ASXL3: variants seen among roughly 807,000 people sequenced by gnomAD.
ASXL3 encodes ASXL transcriptional regulator 3.
ASXL3 carries 34 observed loss-of-function variants against 170.6 expected under a neutral mutation model. The ratio of observed to expected loss-of-function variants is 0.20; its 90% CI spans 0.15 to 0.27. ASXL3 has a LOEUF of 0.27. Among genes scored for constraint, ASXL3 ranks in the 10% least tolerant of loss-of-function variants. The pLI, the probability that ASXL3 is intolerant of heterozygous loss-of-function variation, is 1.00. For synonymous variants in ASXL3, 1,002 were observed against 989.1 expected, an observed-to-expected ratio of 1.01 and a Z score of -0.24; for missense variants, 2,592 against 2,695.3, an observed-to-expected ratio of 0.96 and a Z score of 0.85.
rs2067852400 is a variant in ASXL3, at chr18:33,749,576, T to C, written c.*2981T>C. 1 of 152,138 alleles carries C rather than the reference T, an allele frequency of 6.6e-6. No individual in the cohort carries two copies. The highest frequency in any genetic ancestry group is 1.5e-5 in the Non-Finnish European group (1 of 68,034). The allele number at this position is 152,138 out of a possible 1,614,324, so 9.4% of individuals were successfully genotyped here. A position where few individuals can be genotyped will look rare whatever the true frequency, so the allele number is the denominator to read the frequency against. ...CTGAGGTGTATAAAGACATTTAGGT[T>C]AGTTAATGGGCATGTTAATAAGAGC... On this transcript the variant is annotated 3_prime_UTR_variant, in exon 12 of 12. Coordinates refer to ENST00000269197, the MANE Select transcript of ASXL3 (RefSeq NM_030632.3).
At chr18:33,584,139 A>C (rs1045893793) in intron 1 of ASXL3, among the ~76,000 whole-genome samples, 8 of 152,132 alleles carry the variant, frequency 5.3e-5, no homozygotes, top group African/African-American at 1.9e-4. Flanking sequence ...AATATGAGTA[A>C]GTTTAAGCAG....
At chr18:33,698,090 C>T (rs1418484759) in intron 8 of ASXL3, among the ~76,000 whole-genome samples, 1 of 152,060 alleles carries the variant, frequency 6.6e-6, no homozygotes, top group Admixed American at 6.6e-5. Context: ...GGAACTTGAA[C>T]TCCAAGCTGA....
At chr18:33,590,116 T>TTTTTTTGTTTTTTTG (rs1568265368) in intron 1 of ASXL3, among the ~76,000 whole-genome samples, 1 of 147,150 alleles carries the variant, frequency 6.8e-6, no homozygotes, top group African/African-American at 2.6e-5. Flanking sequence ...TCTATGTTTT[T>TTTTTTTGTTTTTTTG]TTTTTTTTTT....
intron 8 of ASXL3, among the ~76,000 whole-genome samples, chr18:33,729,228 A>G (rs1175272384): frequency 6.6e-6 from 1 of 152,204 alleles, no homozygotes; most frequent in African/African-American, 2.4e-5. Flanking sequence ...TCGCTCATTT[A>G]TTGGAGAAAA....
intron 5 of ASXL3, 66 bp from the exon 6 acceptor site, chr18:33,670,603 CACTT>C: frequency 8.7e-7 from 1 of 1,144,676 alleles, no homozygotes; most frequent in Non-Finnish European, 1.2e-6. Flanking sequence ...ACAAATGAGT[CACTT>C]AATTCAATTA....
chr18:33,690,653 G>C (rs2066672673), intron 8 of ASXL3, among the ~76,000 whole-genome samples: 1 of 152,092 alleles, frequency 6.6e-6, no homozygotes, highest in South Asian at 2.1e-4. Flanking sequence ...CTAGTTTTCT[G>C]TCTTTCCATA....
In ASXL3 at chr18:33,578,406, C is replaced by CCGT. The variant is rs1490646022; in HGVS notation, c.-223_-221dup. On this transcript the variant is annotated 5_prime_UTR_variant, in exon 1 of 12. Coordinates refer to ENST00000269197, the MANE Select transcript of ASXL3 (RefSeq NM_030632.3). ...CGCCCGCCGCGCGCCGCCGCCGCCG[C>CCGT]CGTCGCGCGCCCCCACCCACTCCAC... The CCGT allele has an allele frequency of 1.9e-3, 207 of 107,272 alleles. No homozygotes were observed. Among genetic ancestry groups the CCGT allele is most frequent in the Non-Finnish European group, 2.6e-3 (130 of 50,656 alleles). The allele number at this position is 107,272 out of a possible 1,614,324, so 6.6% of individuals were successfully genotyped here.
At chr18:33,736,333 T>C (rs925993987) in intron 10 of ASXL3, among the ~76,000 whole-genome samples, 1 of 151,732 alleles carries the variant, frequency 6.6e-6, no homozygotes, top group African/African-American at 2.4e-5. Flanking sequence ...CAAAGCATGC[T>C]TCTACTTAGC....
rs73955196 is a variant in ASXL3 at position 33,734,000 on chromosome 18, C to T, written c.977-310C>T. Among the ~76,000 whole-genome samples the T allele has an allele frequency of 0.053, 8,004 of 151,734 alleles. 325 individuals carry two copies. The highest frequency in any genetic ancestry group is 0.11 in the African/African-American group (4,593 of 41,354). ...GATTTCCTTAAGGACAGTGAATATA[C>T]GCTCTTTTATTTGTAGCCCCTAGCA... On this transcript the variant is annotated intron_variant, in intron 9 of 11. Transcript: ENST00000269197.
chr18:33,740,906 T>C (rs960946108), intron 11 of ASXL3, among the ~76,000 whole-genome samples: 2 of 152,240 alleles, frequency 1.3e-5, no homozygotes, highest in African/African-American at 4.8e-5. Context: ...TATACTGTTG[T>C]ACAGTAAAGT....
Position 33,578,695 on chromosome 18 carries a change from G to C in ASXL3, c.54+10G>C. 1 of 1,273,750 alleles carries C rather than the reference G, an allele frequency of 7.9e-7. No individual in the cohort carries two copies. The highest frequency in any genetic ancestry group is 1.0e-6 in the Non-Finnish European group (1 of 989,228). The allele number at this position is 1,273,750 out of a possible 1,614,324, so 78.9% of individuals were successfully genotyped here. The stretch of plus-strand genomic sequence containing the variant: ...CGAGGCTGCCCGCCTGGTACGTACC[G>C]CCCCCCACACGCCGCCCGCGCCTCC... On this transcript the variant is annotated intron_variant, in intron 1 of 11. Transcript: ENST00000269197.
intron 8 of ASXL3, among the ~76,000 whole-genome samples, chr18:33,698,431 G>A (rs893078373): frequency 2.0e-5 from 3 of 152,118 alleles, no homozygotes; most frequent in African/African-American, 4.8e-5. Flanking sequence ...CATTTTGGAC[G>A]TGTTGGATCT....
At position 33,740,578 on chromosome 18, in the gene ASXL3, A is replaced by G. The variant is rs145780632; in HGVS notation, c.3039+135A>G. On this transcript the variant is annotated intron_variant, in intron 11 of 11. Coordinates refer to ENST00000269197, the MANE Select transcript of ASXL3 (RefSeq NM_030632.3). ...GTTTATAATCTAATCCTCTAATAGT[A>G]AATGATCCTCTTTATGACTATGTAC... 543 of 873,432 alleles carry G rather than the reference A, an allele frequency of 6.2e-4. 3 individuals carry two copies. In the African/African-American group the frequency reaches 8.1e-3, roughly 13 times the overall value. The allele number at this position is 873,432 out of a possible 1,614,324, so 54.1% of individuals were successfully genotyped here.
chr18:33,734,687 TTTC>T (rs1249024808), intron 10 of ASXL3, among the ~76,000 whole-genome samples: 1 of 152,188 alleles, frequency 6.6e-6, no homozygotes, highest in Non-Finnish European at 1.5e-5. Context: ...CACTTTTGAA[TTTC>T]TTAATAGATT....
chr18:33,695,626 A>G (rs2066761131), intron 8 of ASXL3, among the ~76,000 whole-genome samples: 2 of 152,154 alleles, frequency 1.3e-5, no homozygotes, highest in Admixed American at 6.6e-5. Flanking sequence ...TTTTCAAGTA[A>G]TTGCACATAA....
chr18:33,588,345 T>C (rs1391418355), intron 1 of ASXL3, among the ~76,000 whole-genome samples: 1 of 148,120 alleles, frequency 6.8e-6, no homozygotes, highest in Non-Finnish European at 1.5e-5. Flanking sequence ...CTAATTTAAG[T>C]AGAAAAGGAG....
At chr18:33,716,981 T>A (rs1034556836) in intron 8 of ASXL3, among the ~76,000 whole-genome samples, 23 of 152,112 alleles carry the variant, frequency 1.5e-4, no homozygotes, top group African/African-American at 5.3e-4. Flanking sequence ...TATATATTTC[T>A]AGGGTATCTG....
intron 8 of ASXL3, among the ~76,000 whole-genome samples, chr18:33,690,887 A>C (rs977396996): frequency 1.3e-5 from 2 of 151,946 alleles, no homozygotes; most frequent in South Asian, 4.2e-4. Flanking sequence ...ACATCAGGCT[A>C]CTCCTCAGTG....
intron 1 of ASXL3, among the ~76,000 whole-genome samples, chr18:33,591,665 G>A (rs148097462): frequency 1.4e-5 from 2 of 145,366 alleles, no homozygotes; most frequent in South Asian, 2.2e-4. Context: ...TTTTTTAAAC[G>A]AAGTCTTTCT....
Sources: gnomAD v4.1 joint callset for allele counts (sites outside exome capture counted in the v4.1 genomes callset) on GRCh38, gnomAD v4.1.1 for gene constraint, MANE v1.5 for transcripts, NCBI Gene and HGNC (gene_info 2026-07-23, HGNC 2026-07-21) for gene names.